The following PPP2R2C variants were observed in gnomAD, a reference collection of about 807,000 sequenced individuals.
The protein encoded by PPP2R2C is protein phosphatase 2 regulatory subunit Bgamma, also known as protein phosphatase 2, regulatory subunit B, gamma.
PPP2R2C carries 10 observed loss-of-function variants against 45.3 expected under a neutral mutation model. The observed-to-expected ratio is 0.22, with a 90% CI of 0.14 to 0.37. The LOEUF (loss-of-function observed/expected upper bound fraction) is 0.37. Ranked by LOEUF, PPP2R2C falls within the 10% of genes least tolerant of loss-of-function variation. PPP2R2C has a pLI of 1.00. For synonymous variants in PPP2R2C, 257 were observed against 245.4 expected, an observed-to-expected ratio of 1.05 and a Z score of -0.44; for missense variants, 308 against 619.7, an observed-to-expected ratio of 0.50 and a Z score of 5.34.
intron 1 of PPP2R2C, among the ~76,000 whole-genome samples, chr4:6,447,865 C>T (rs1186318656): frequency 6.6e-6 from 1 of 152,184 alleles, no homozygotes; most frequent in African/African-American, 2.4e-5. Context: ...GGAACCACAA[C>T]CCATCGAGGT....
chr4:6,386,431 C>G (rs1257831339), intron 1 of PPP2R2C, among the ~76,000 whole-genome samples: 1 of 152,170 alleles, frequency 6.6e-6, no homozygotes, highest in Non-Finnish European at 1.5e-5. Context: ...AAACTCTGCC[C>G]ATGTCTTGGG....
intron 2 of PPP2R2C, among the ~76,000 whole-genome samples, chr4:6,486,498 G>A (rs529504673): frequency 1.3e-5 from 2 of 152,094 alleles, no homozygotes; most frequent in East Asian, 3.9e-4. Flanking sequence ...TATAATTGTA[G>A]ATTCATCTAT....
chr4:6,339,880 C>T (rs542819972), intron 6 of PPP2R2C, among the ~76,000 whole-genome samples: 115 of 152,322 alleles, frequency 7.5e-4, no homozygotes, highest in African/African-American at 2.1e-3. Flanking sequence ...CCTCAGGCCG[C>T]GCTCCAGGAG....
chr4:6,483,954 T>C (rs1722452165), intron 2 of PPP2R2C, among the ~76,000 whole-genome samples: 1 of 152,122 alleles, frequency 6.6e-6, no homozygotes, highest in African/African-American at 2.4e-5. Context: ...AAAGTTTTAC[T>C]AAAATACAGC....
At chr4:6,543,448 C>T (rs978067690) in intron 1 of PPP2R2C, among the ~76,000 whole-genome samples, 17 of 152,118 alleles carry the variant, frequency 1.1e-4, no homozygotes, top group East Asian at 1.9e-4. Context: ...CCAGGCCAGG[C>T]GTGGTGGTTC....
At chr4:6,339,420 C>T (rs1733271354) in intron 6 of PPP2R2C, among the ~76,000 whole-genome samples, 1 of 152,264 alleles carries the variant, frequency 6.6e-6, no homozygotes, top group Non-Finnish European at 1.5e-5. Context: ...TCTTCCCCAA[C>T]CTGATGTGGT....
chr4:6,350,304 C>A (rs1412349107), intron 5 of PPP2R2C: 3 of 985,372 alleles, frequency 3.0e-6, no homozygotes, highest in Non-Finnish European at 3.6e-6. Flanking sequence ...CCGCTCGGAG[C>A]AGCTCTCAGG....
chr4:6,516,372 C>T (rs1460246405), intron 2 of PPP2R2C, among the ~76,000 whole-genome samples: 4 of 152,242 alleles, frequency 2.6e-5, no homozygotes, highest in Admixed American at 2.0e-4. Context: ...CCCGTTGCCT[C>T]GTCTTACCCG....
Position 6,431,452 on chromosome 4 carries a change from C to T in PPP2R2C, c.70+40708G>A, listed in dbSNP as rs538897928. On this transcript the variant is annotated intron_variant, in intron 1 of 8. Coordinates refer to ENST00000382599, the MANE Select transcript of PPP2R2C (RefSeq NM_020416.4). ...GAGAAAGCTGCTCAGGCTGAGACTA[C>T]GGTCCCCAGAAGTCTGGAGAGCCCA... 7.9e-5 allele frequency among the ~76,000 whole-genome samples: 12 copies of T among 152,216 alleles called. 1 individual carries two copies. The highest frequency in any genetic ancestry group is 5.2e-4 in the Admixed American group (8 of 15,292).
In PPP2R2C at chr4:6,345,920, C is replaced by T. The variant is rs543391851; in HGVS notation, c.790+1926G>A. On this transcript the variant is annotated intron_variant, in intron 6 of 8. Transcript: ENST00000382599. This position sits in a 1 kb window ranked among gnomAD's most constrained non-coding sequence, Gnocchi z 5.3. ...CTGCCTGGATATCTGGCTGCCTACTCGACCCATTTCCTTGGAACCCAATAC... is the reference window on the plus strand; with the variant it reads ...CTGCCTGGATATCTGGCTGCCTACTTGACCCATTTCCTTGGAACCCAATAC... Among the ~76,000 whole-genome samples the T allele has an allele frequency of 1.4e-4, 22 of 152,300 alleles. No individual in the cohort carries two copies. The highest frequency in any genetic ancestry group is 5.8e-4 in the East Asian group (3 of 5,172).
chr4:6,394,230 G>A (rs1320451127), intron 1 of PPP2R2C, among the ~76,000 whole-genome samples: 1 of 152,194 alleles, frequency 6.6e-6, no homozygotes, highest in Non-Finnish European at 1.5e-5. Context: ...GCACCTCAGT[G>A]GGGCTGCCTG....
intron 6 of PPP2R2C, among the ~76,000 whole-genome samples, chr4:6,338,433 C>A (rs1213425121): frequency 6.6e-6 from 1 of 152,182 alleles, no homozygotes; most frequent in East Asian, 1.9e-4. Flanking sequence ...GTGGAGGGGA[C>A]CTGGGGAGCC....
At chr4:6,470,954 C>T (rs1405182717) in intron 1 of PPP2R2C, among the ~76,000 whole-genome samples, 1 of 151,316 alleles carries the variant, frequency 6.6e-6, no homozygotes, top group Non-Finnish European at 1.5e-5. Flanking sequence ...GCCCCGAGCC[C>T]GCCCGCGCCC....
At position 6,329,475 on chromosome 4, in the gene PPP2R2C, C is replaced by T; in HGVS notation, c.961-122G>A. On this transcript the variant is annotated intron_variant, in intron 7 of 8. Coordinates refer to ENST00000382599, the MANE Select transcript of PPP2R2C (RefSeq NM_020416.4). The surrounding 1 kb of genome is among the most constrained non-coding windows in gnomAD (Gnocchi z 5.8). ...CCTGACATGGCCCAGCGCAGACCTG[C>T]TCATCTCAGCGAGGGTCTGAATGCT... is the stretch of plus-strand genomic sequence containing the variant. 1.3e-6 allele frequency: 1 copy of T among 789,746 alleles called. No homozygotes were observed. The highest frequency in any genetic ancestry group is 1.7e-5 in the African/African-American group (1 of 58,874). 48.9% of individuals were successfully genotyped at this position (789,746 alleles called of 1,614,324 possible).
chr4:6,401,657 G>A (rs1485166835), intron 1 of PPP2R2C, among the ~76,000 whole-genome samples: 2 of 152,080 alleles, frequency 1.3e-5, no homozygotes, highest in Non-Finnish European at 2.9e-5. Context: ...GAGCCTGAGA[G>A]CCCTCTGTCA....
chr4:6,343,665 A>G (rs1711552823), intron 6 of PPP2R2C, among the ~76,000 whole-genome samples: 1 of 152,192 alleles, frequency 6.6e-6, no homozygotes, highest in African/African-American at 2.4e-5. Flanking sequence ...GGCTGCAGTG[A>G]GCCAAGATCG....
chr4:6,336,805 A>C (rs535237214), intron 6 of PPP2R2C, among the ~76,000 whole-genome samples: 69 of 690 alleles, frequency 0.1, 7 homozygotes, highest in South Asian at 0.12. Flanking sequence ...CCCTCCTTCC[A>C]TCCCTCCCTC....
chr4:6,471,377 C>A lies in PPP2R2C; in HGVS notation c.70+783G>T, dbSNP rs979615015. 6.6e-6 allele frequency among the ~76,000 whole-genome samples: 1 copy of A among 152,072 alleles called. No individual in the cohort carries two copies. The highest frequency in any genetic ancestry group is 2.1e-4 in the South Asian group (1 of 4,836). ...CCTAGCGAGGCAGACCAGGGGGCCCCCGGAAGTTCCAGGCCTGTAAGAGAG... is the reference window on the plus strand; with the variant it reads ...CCTAGCGAGGCAGACCAGGGGGCCCACGGAAGTTCCAGGCCTGTAAGAGAG... On this transcript the variant is annotated intron_variant, in intron 1 of 8. Transcript: ENST00000382599. The surrounding 1 kb of genome is among the most constrained non-coding windows in gnomAD (Gnocchi z 5.6).
intron 1 of PPP2R2C, among the ~76,000 whole-genome samples, chr4:6,446,429 C>CG (rs1392612595): frequency 3.3e-5 from 5 of 152,118 alleles, no homozygotes; most frequent in Non-Finnish European, 5.9e-5. Flanking sequence ...AGCCAGGCCA[C>CG]GGGGGGAACA....
Sources: gnomAD v4.1 joint callset for allele counts (sites outside exome capture counted in the v4.1 genomes callset) on GRCh38, gnomAD v4.1.1 for gene constraint, Gnocchi (gnomAD v3.1) non-coding constraint, MANE v1.5 for transcripts, NCBI Gene and HGNC (gene_info 2026-07-23, HGNC 2026-07-21) for gene names.